Variants in NALCN observed in about 807,000 individuals in gnomAD.
The protein encoded by NALCN is sodium leak channel NALCN.
Under a neutral mutation model 225.3 loss-of-function variants are expected in NALCN, and 111 were observed. That is an observed-to-expected ratio of 0.49 (90% CI 0.42 to 0.58). NALCN has a LOEUF of 0.58. Among genes scored for constraint, NALCN ranks in the 20% least tolerant of loss-of-function variants. The pLI, the probability that NALCN is intolerant of heterozygous loss-of-function variation, is 0.00. For synonymous variants in NALCN, 764 were observed against 769.0 expected (o/e 0.99, Z 0.11); for missense variants, 1,378 against 2,202.4 (o/e 0.63, Z 7.49).
chr13:101,131,641 A>G (rs1172291131), intron 17 of NALCN, among the ~76,000 whole-genome samples: 1 of 152,158 alleles, frequency 6.6e-6, no homozygotes, highest in African/African-American at 2.4e-5. Context: ...ATGTTCTACC[A>G]TTCCATGAAC....
chr13:101,408,049 C>G (rs1446895819), intron 1 of NALCN, among the ~76,000 whole-genome samples: 6 of 152,094 alleles, frequency 3.9e-5, no homozygotes, highest in African/African-American at 1.4e-4. Context: ...AGTGCCTTGT[C>G]TGAGGTCACA....
intron 13 of NALCN, among the ~76,000 whole-genome samples, chr13:101,193,217 C>T (rs1161530061): frequency 1.3e-5 from 2 of 151,594 alleles, no homozygotes; most frequent in African/African-American, 4.9e-5. Flanking sequence ...GGCATTAGGA[C>T]TCCAAAGTAA....
chr13:101,069,086 C>T lies in NALCN; in HGVS notation c.4198-259G>A, dbSNP rs572900278. On this transcript the variant is annotated intron_variant, in intron 37 of 43. Transcript: ENST00000251127. ...AAGCACAATGAAAATGAACTGATCT[C>T]CACTAGATATTCTTTCTGCCACCAC... Among the ~76,000 whole-genome samples, 6 of 152,292 alleles carry T rather than the reference C, an allele frequency of 3.9e-5. No individual in the cohort carries two copies. The South Asian group carries it at 1.2e-3, about 32-fold the overall frequency.
intron 7 of NALCN, among the ~76,000 whole-genome samples, chr13:101,312,158 G>A (rs1042700669): frequency 1.6e-4 from 25 of 152,282 alleles, no homozygotes; most frequent in Non-Finnish European, 3.5e-4. Context: ...AGAGGTGTTT[G>A]TAATATTCTC....
chr13:101,083,568 T>G, intron 31 of NALCN, 143 bp downstream of exon 31: 1 of 721,526 alleles, frequency 1.4e-6, no homozygotes, highest in South Asian at 2.0e-5. Flanking sequence ...TGGAGAGATC[T>G]GTGGTTTGGA....
At chr13:101,409,438 T>C (rs536968195) in intron 1 of NALCN, among the ~76,000 whole-genome samples, 3 of 152,156 alleles carry the variant, frequency 2.0e-5, no homozygotes, top group Admixed American at 6.5e-5. Flanking sequence ...ACCCAGTAAT[T>C]AACAACTCCC....
chr13:101,270,918 C>T (rs1328079334), intron 10 of NALCN, among the ~76,000 whole-genome samples: 1 of 152,144 alleles, frequency 6.6e-6, no homozygotes, highest in Non-Finnish European at 1.5e-5. Context: ...GGTGACAATG[C>T]AACAAATCTT....
intron 15 of NALCN, among the ~76,000 whole-genome samples, chr13:101,150,158 T>A (rs141325120): frequency 0.76 from 115,240 of 151,596 alleles, 44,111 homozygotes; most frequent in East Asian, 1. Context: ...CATACTGTTG[T>A]ATGTACTCCA....
chr13:101,224,804 C>T (rs139195551), intron 13 of NALCN, among the ~76,000 whole-genome samples: 1 of 152,144 alleles, frequency 6.6e-6, no homozygotes, highest in Non-Finnish European at 1.5e-5. Flanking sequence ...TTGAAGGGCC[C>T]ATAACTACAC....
chr13:101,259,777 T>TAC (rs1566497816), intron 10 of NALCN, among the ~76,000 whole-genome samples: 2 of 17,028 alleles, frequency 1.2e-4, no homozygotes, highest in African/African-American at 1.4e-4. Context: ...TATATATATA[T>TAC]ACACATATAT....
intron 7 of NALCN, among the ~76,000 whole-genome samples, chr13:101,327,384 T>TGG (rs5806209): frequency 0.41 from 61,543 of 151,402 alleles, 12,858 homozygotes; most frequent in Non-Finnish European, 0.46. Context: ...GCTAAAACAT[T>TGG]GGGGGGGATG....
chr13:101,122,547 C>A (rs995826762), intron 18 of NALCN, among the ~76,000 whole-genome samples: 7 of 152,160 alleles, frequency 4.6e-5, no homozygotes, highest in African/African-American at 1.2e-4. Context: ...AACAAAAACA[C>A]TTCTGTATAT....
At chr13:101,270,178 A>C (rs907983674) in intron 10 of NALCN, among the ~76,000 whole-genome samples, 1 of 152,218 alleles carries the variant, frequency 6.6e-6, no homozygotes, top group Non-Finnish European at 1.5e-5. Context: ...ACAGACTTTG[A>C]CAAAAGGTGC....
Position 101,074,672 on chromosome 13 carries a change from AG to A in NALCN, c.3955-11del, listed in dbSNP as rs1339272802. On this transcript the variant is annotated splice_polypyrimidine_tract_variant and intron_variant, in intron 35 of 43. Coordinates refer to ENST00000251127, the MANE Select transcript of NALCN (RefSeq NM_052867.4). ...GCATCTTTAGCGTTACCTGGGGACC[AG>A]GGGTGGGAAGCGGGGAGACAGAGAG... is the stretch of plus-strand genomic sequence containing the variant. 1 of 1,595,416 alleles carries A rather than the reference AG, an allele frequency of 6.3e-7. No homozygotes were observed. Among genetic ancestry groups the A allele is most frequent in the Non-Finnish European group, 8.5e-7 (1 of 1,173,896 alleles).
intron 27 of NALCN, among the ~76,000 whole-genome samples, chr13:101,100,554 C>T (rs981503025): frequency 2.6e-5 from 4 of 152,188 alleles, no homozygotes; most frequent in African/African-American, 9.6e-5. Context: ...CACATGCTTG[C>T]CAAGGGAGTG....
intron 1 of NALCN, among the ~76,000 whole-genome samples, chr13:101,402,834 A>C (rs1418005472): frequency 6.6e-6 from 1 of 152,170 alleles, no homozygotes; most frequent in Non-Finnish European, 1.5e-5. Context: ...CCTTCCTCTC[A>C]TGTCCCAGAC....
intron 7 of NALCN, among the ~76,000 whole-genome samples, chr13:101,296,675 G>A (rs1389360463): frequency 3.3e-5 from 5 of 152,106 alleles, no homozygotes; most frequent in Non-Finnish European, 5.9e-5. Flanking sequence ...GGAATATAAC[G>A]CATTAATTTT....
At chr13:101,231,814 G>C (rs184692727) in intron 12 of NALCN, among the ~76,000 whole-genome samples, 1 of 151,922 alleles carries the variant, frequency 6.6e-6, no homozygotes, top group Admixed American at 6.6e-5. Context: ...GCTTTCCAGT[G>C]CCTCTGGCTT....
intron 1 of NALCN, among the ~76,000 whole-genome samples, chr13:101,400,544 AGTGTGT>A (rs376844190): frequency 0.031 from 4,185 of 135,220 alleles, 157 homozygotes; most frequent in African/African-American, 0.085. Flanking sequence ...ACATGTTTGC[AGTGTGT>A]GTGTGTGTGT....
Sources: gnomAD v4.1 joint callset for allele counts (sites outside exome capture counted in the v4.1 genomes callset) on GRCh38, gnomAD v4.1.1 for gene constraint, MANE v1.5 for transcripts, NCBI Gene and HGNC (gene_info 2026-07-23, HGNC 2026-07-21) for gene names.